The following SACS variants were observed in gnomAD, a reference collection of about 807,000 sequenced individuals.
SACS encodes sacsin molecular chaperone.
SACS carries 197 observed loss-of-function variants against 348.0 expected under a neutral mutation model. That is an observed-to-expected ratio of 0.57 (90% CI 0.50 to 0.64). The LOEUF (loss-of-function observed/expected upper bound fraction) is 0.64, where lower values mean the gene tolerates loss of function less well. SACS is among the 30% of genes least tolerant of loss of function. SACS has a pLI of 0.00. For synonymous variants in SACS, 1,985 were observed against 1,910.6 expected (o/e 1.04, Z -1.02); for missense variants, 4,999 against 5,360.8 (o/e 0.93, Z 2.11).
intron 7 of SACS, among the ~76,000 whole-genome samples, chr13:23,356,675 C>T (rs1339785878): frequency 6.6e-6 from 1 of 152,208 alleles, no homozygotes; most frequent in Non-Finnish European, 1.5e-5. Context: ...GGCAGAAAAA[C>T]CAGATGTGTG....
At chr13:23,375,645 CGCCCCTCCCGCCAG>C (rs1275384888) in intron 2 of SACS, 1 of 828,336 alleles carries the variant, frequency 1.2e-6, no homozygotes, top group Non-Finnish European at 1.5e-6. Flanking sequence ...GGATCCGCCC[CGCCCCTCCCGCCAG>C]GCCCCGCCCC....
chr13:23,398,625 C>T (rs916548883), intron 2 of SACS, among the ~76,000 whole-genome samples: 3 of 150,730 alleles, frequency 2.0e-5, no homozygotes, highest in Admixed American at 6.6e-5. Flanking sequence ...TAAATTTAAA[C>T]ATTGTCTGGT....
In SACS at chr13:23,332,733, T is replaced by C. The variant is rs528677688; in HGVS notation, c.11143A>G (p.Ser3715Gly). 13 of 1,614,048 alleles carry C rather than the reference T, an allele frequency of 8.1e-6. No individual in the cohort carries two copies. The highest frequency in any genetic ancestry group is 8.0e-5 in the African/African-American group (6 of 75,048). ...PILPEKATPL[S>G]IKEQEGSDLG... ...TCACTACCTTCTTGTTCTTTAATGC[T>C]TAAGGGTGTAGCTTTCTCTGGAAGA... Residue 3715 changes from serine (S) to glycine (G), a missense_variant, in exon 10 of 10, where the codon AGC (serine) becomes GGC (glycine). Physicochemically the swap from Ser to Gly is moderately conservative, Grantham distance 56. Around this residue, in one of 6 missense-constraint regions of SACS, gnomAD observed 831 missense variants for 941.8 expected, o/e 0.88. Coordinates refer to ENST00000382292, the MANE Select transcript of SACS (RefSeq NM_014363.6).
rs144616826 is a variant in SACS at position 23,334,794 on chromosome 13, C to A, written c.9082G>T (p.Asp3028Tyr). ...STSNKTRPFF[D>Y]NLLQDELQHL... Reference sequence around the variant, plus strand: ...TGTAATTCATCCTGTAGTAAATTGTCAAAAAATGGTCTAGTTTTATTAGAA... The same window carrying A: ...TGTAATTCATCCTGTAGTAAATTGTAAAAAAATGGTCTAGTTTTATTAGAA... The change falls in exon 10 of 10, where the codon GAC becomes TAC. Residue 3028 changes from aspartate to tyrosine, a missense_variant. Physicochemically the swap from Asp to Tyr is radical, Grantham distance 160. Around this residue, in one of 6 missense-constraint regions of SACS, gnomAD observed 734 missense variants for 694.0 expected, o/e 1.06. Coordinates refer to ENST00000382292, the MANE Select transcript of SACS (RefSeq NM_014363.6). 9 of 1,613,436 alleles carry A rather than the reference C, an allele frequency of 5.6e-6. No homozygotes were observed. Among genetic ancestry groups the A allele is most frequent in the South Asian group, 1.1e-5 (1 of 91,048 alleles).
intron 9 of SACS, 101 bp from the exon 10 acceptor site, chr13:23,341,791 T>G (rs958613789): frequency 9.6e-7 from 1 of 1,044,382 alleles, no homozygotes; most frequent in East Asian, 2.6e-5. Context: ...TTTTTTTTTT[T>G]TTTTTTTTTT....
At position 23,333,822 on chromosome 13, in the gene SACS, T is replaced by G; in HGVS notation, c.10054A>C (p.Thr3352Pro). The G allele has an allele frequency of 1.9e-6, 3 of 1,613,888 alleles. No homozygotes were observed. Among genetic ancestry groups the G allele is most frequent in the Non-Finnish European group, 2.5e-6 (3 of 1,179,824 alleles). Residue 3352 changes from threonine (T) to proline (P), a missense_variant, in exon 10 of 10, where the codon ACA becomes CCA. Physicochemically the swap from Thr to Pro is conservative, Grantham distance 38 (BLOSUM62 -1). Around this residue, in one of 6 missense-constraint regions of SACS, gnomAD observed 734 missense variants for 694.0 expected, o/e 1.06. Coordinates refer to ENST00000382292, the MANE Select transcript of SACS (RefSeq NM_014363.6). ...CTTGTGGGGCTCTCTATATTTGCTG[T>G]GTGACATGACAACAAAGGAACAAAT... ...SAFVPLLSCH[T>P]ANIESPTSIL...
In SACS at chr13:23,337,880, A is replaced by T; in HGVS notation, c.5996T>A (p.Leu1999His). 6.2e-7 allele frequency: 1 copy of T among 1,613,922 alleles called. No homozygotes were observed. The highest frequency in any genetic ancestry group is 1.1e-5 in the South Asian group (1 of 91,072). ...KNVRFLDDSI[L>H]KRRDVGSAAF... ...TGCTGAACCAACATCTCTTCTTTTA[A>T]GTATAGAGTCATCTAGAAATCTTAC... The change falls in exon 10 of 10, where the codon CTT becomes CAT. Residue 1999 changes from leucine (L) to histidine (H), a missense_variant. Around this residue, in one of 6 missense-constraint regions of SACS, gnomAD observed 3,156 missense variants for 3,380.1 expected, o/e 0.93. Coordinates refer to ENST00000382292, the MANE Select transcript of SACS (RefSeq NM_014363.6).
chr13:23,355,605 C>T lies in SACS; in HGVS notation c.1007G>A (p.Ser336Asn). 1 of 1,614,154 alleles carries T rather than the reference C, an allele frequency of 6.2e-7. No homozygotes were observed. Among genetic ancestry groups the T allele is most frequent in the Non-Finnish European group, 8.5e-7 (1 of 1,180,026 alleles). The change falls in exon 8 of 10, where the codon AGT becomes AAT. Residue 336 changes from serine (S) to asparagine (N), a missense_variant. This residue lies in a region of SACS where 3,156 missense variants were observed against 3,380.1 expected (regional missense o/e 0.93). Coordinates refer to ENST00000382292, the MANE Select transcript of SACS (RefSeq NM_014363.6). ...TEKLVFRVTS[S>N]ESKALKHERP... ...CTCATGTTTCAGTGCCTTACTCTCA[C>T]TCGAAGTCACTCTAAACACCAGTTT...
Position 23,331,685 on chromosome 13 carries a change from G to C in SACS, c.12191C>G (p.Pro4064Arg). Reference sequence around the variant, plus strand: ...AGTTTCACTTCTGCTGTGGGGAATAGGATTAAAACCTTTAACTCTTAATGT... The same window carrying C: ...AGTTTCACTTCTGCTGTGGGGAATACGATTAAAACCTTTAACTCTTAATGT... Reference protein sequence around the residue: ...QTTLRVKGFNPIPHSRSETFA... With the variant: ...QTTLRVKGFNRIPHSRSETFA... The change falls in exon 10 of 10, where the codon CCT (proline) becomes CGT (arginine). Residue 4064 changes from proline (P) to arginine (R), a missense_variant. By Grantham distance (103) the Pro-to-Arg change is moderately radical. This residue lies in a region of SACS where 831 missense variants were observed against 941.8 expected (regional missense o/e 0.88). Coordinates refer to ENST00000382292, the MANE Select transcript of SACS (RefSeq NM_014363.6). The C allele has an allele frequency of 6.2e-7, 1 of 1,613,884 alleles. No homozygotes were observed. The highest frequency in any genetic ancestry group is 8.5e-7 in the Non-Finnish European group (1 of 1,179,944).
intron 7 of SACS, among the ~76,000 whole-genome samples, chr13:23,357,004 A>T (rs1032898095): frequency 6.6e-6 from 1 of 152,234 alleles, no homozygotes; most frequent in African/African-American, 2.4e-5. Context: ...CCCATGAATG[A>T]AATCAGGCCA....
chr13:23,392,740 A>C (rs1001834248), intron 2 of SACS, among the ~76,000 whole-genome samples: 1 of 152,166 alleles, frequency 6.6e-6, no homozygotes, highest in African/African-American at 2.4e-5. Flanking sequence ...CTCCTAAAGG[A>C]GGCGGAAGGA....
chr13:23,400,546 G>A (rs879338977), intron 2 of SACS, among the ~76,000 whole-genome samples: 14 of 152,044 alleles, frequency 9.2e-5, no homozygotes, highest in Admixed American at 3.9e-4. Flanking sequence ...TCAGCCTCCC[G>A]AGTAGCTGGG....
chr13:23,331,807 A>G lies in SACS; in HGVS notation c.12069T>C (p.Asn4023=), dbSNP rs747474648. 1 of 1,613,910 alleles carries G rather than the reference A, an allele frequency of 6.2e-7. No individual in the cohort carries two copies. Among genetic ancestry groups the G allele is most frequent in the South Asian group, 1.1e-5 (1 of 91,072 alleles). Residue 4023 remains asparagine (N), a synonymous_variant, in exon 10 of 10, where the codon AAT becomes AAC. Transcript: ENST00000382292. ...CTTCATTGGCCAGAAAAGCATTATC[A>G]TTTTCATGCTTCATAATTCTAATCA... The part of the protein sequence containing the change: ...TGLIRIMKHE[N]DNAFLANEEK...
At chr13:23,374,545 T>C (rs1353127018) in intron 3 of SACS, among the ~76,000 whole-genome samples, 2 of 152,258 alleles carry the variant, frequency 1.3e-5, no homozygotes, top group African/African-American at 4.8e-5. Flanking sequence ...AAGAAAGCTA[T>C]AGAATTTTAA....
intron 9 of SACS, among the ~76,000 whole-genome samples, chr13:23,349,515 C>A (rs1170129201): frequency 2.6e-5 from 4 of 152,280 alleles, no homozygotes; most frequent in Non-Finnish European, 5.9e-5. Flanking sequence ...ATATGTATTA[C>A]GTATTCATCA....
chr13:23,388,485 GTGTA>G lies in SACS; in HGVS notation c.21-13220_21-13217del, dbSNP rs764606894. Among the ~76,000 whole-genome samples, 30 of 83,456 alleles carry G rather than the reference GTGTA, an allele frequency of 3.6e-4. No individual in the cohort carries two copies. The South Asian group carries it at 4.2e-3, about 12-fold the overall frequency. 54.8% of individuals were successfully genotyped at this position (83,456 alleles called of 152,430 possible). ...TATAAAATATAAAAATATGGTGTGT[GTGTA>G]TATATATATATATATATATACACAC... On this transcript the variant is annotated intron_variant, in intron 2 of 9. Coordinates refer to ENST00000382292, the MANE Select transcript of SACS (RefSeq NM_014363.6).
intron 1 of SACS, among the ~76,000 whole-genome samples, chr13:23,420,372 G>A (rs1873880461): frequency 6.6e-6 from 1 of 151,990 alleles, no homozygotes; most frequent in Non-Finnish European, 1.5e-5. Flanking sequence ...AGAATCCAGT[G>A]TCTACCTTGG....
At chr13:23,363,228 CTTATA>C (rs1446516723) in intron 6 of SACS, among the ~76,000 whole-genome samples, 1 of 143,574 alleles carries the variant, frequency 7.0e-6, no homozygotes, top group African/African-American at 2.6e-5. Flanking sequence ...TTTTTACTTA[CTTATA>C]TATTTATTTT....
chr13:23,392,261 C>G (rs1872556178), intron 2 of SACS, among the ~76,000 whole-genome samples: 1 of 152,142 alleles, frequency 6.6e-6, no homozygotes, highest in African/African-American at 2.4e-5. Context: ...TGGTATGCCT[C>G]TCCCCAAAAC....
Sources: allele counts gnomAD v4.1 joint callset (sites outside exome capture counted in the v4.1 genomes callset), GRCh38; gene constraint gnomAD v4.1.1; regional missense constraint gnomAD v4.1.1; transcripts MANE v1.5; gene names NCBI Gene and HGNC (gene_info 2026-07-23, HGNC 2026-07-21).